The following NEMF variants were observed in gnomAD, a reference collection of about 807,000 sequenced individuals.
NEMF encodes the protein nuclear export mediator factor.
In NEMF, 89 loss-of-function variants were observed where a neutral mutation model predicts 162.2. The observed-to-expected ratio is 0.55, with a 90% CI of 0.46 to 0.65. NEMF has a LOEUF of 0.65. NEMF is among the 30% of genes least tolerant of loss of function. The probability of loss-of-function intolerance (pLI) is 0.00; values close to 1 mark genes in which losing one functional copy is unlikely to be tolerated. For synonymous variants in NEMF, 421 were observed against 404.5 expected, an observed-to-expected ratio of 1.04 and a Z score of -0.49; for missense variants, 1,133 against 1,261.9, an observed-to-expected ratio of 0.90 and a Z score of 1.55.
At chr14:49,841,434 C>T (rs898772631) in intron 4 of NEMF, among the ~76,000 whole-genome samples, 9 of 150,126 alleles carry the variant, frequency 6.0e-5, no homozygotes, top group South Asian at 2.1e-4. Context: ...ATTAGTTGGG[C>T]GTGGTGGTGC....
chr14:49,831,903 C>T, intron 10 of NEMF, 148 bp downstream of exon 10: 1 of 588,672 alleles, frequency 1.7e-6, no homozygotes, highest in Non-Finnish European at 3.0e-6. Context: ...TTTCCAACAG[C>T]TGTATCTGTG....
intron 16 of NEMF, among the ~76,000 whole-genome samples, chr14:49,815,217 TAAGA>T (rs1224550330): frequency 6.6e-6 from 1 of 152,164 alleles, no homozygotes; most frequent in Non-Finnish European, 1.5e-5. Context: ...AGACCACTAA[TAAGA>T]AAGAAATGTT....
At chr14:49,794,872 C>T (rs1407920233) in intron 26 of NEMF, among the ~76,000 whole-genome samples, 1 of 151,928 alleles carries the variant, frequency 6.6e-6, no homozygotes, top group Non-Finnish European at 1.5e-5. Flanking sequence ...GCATGTACCA[C>T]CATGCCTGGC....
In NEMF at chr14:49,806,306, G is replaced by C. The variant is rs1282300900; in HGVS notation, c.1745-173C>G. ...AGATGGAGTTTCGCTCTGTTGTTCTGGCTGGAGTGCAATGGCGCAATCTCA... is the reference window on the plus strand; with the variant it reads ...AGATGGAGTTTCGCTCTGTTGTTCTCGCTGGAGTGCAATGGCGCAATCTCA... On this transcript the variant is annotated intron_variant, in intron 18 of 32. Coordinates refer to ENST00000298310, the MANE Select transcript of NEMF (RefSeq NM_004713.6). 3.7e-5 allele frequency among the ~76,000 whole-genome samples: 4 copies of C among 107,316 alleles called. 1 individual carries two copies. Among genetic ancestry groups the C allele is most frequent in the Non-Finnish European group, 7.1e-5 (4 of 55,954 alleles). The allele number at this position is 107,316 out of a possible 152,430, so 70.4% of individuals were successfully genotyped here.
intron 5 of NEMF, chr14:49,839,288 G>A (rs1893076020): frequency 6.6e-6 from 1 of 151,622 alleles, no homozygotes; most frequent in African/African-American, 2.4e-5. Context: ...CACCATGTTG[G>A]TCAGGCTGGT....
rs528294032 is a variant in NEMF, at chr14:49,833,325, T to G, written c.735+98A>C. 7.7e-5 allele frequency: 51 copies of G among 662,590 alleles called. No individual in the cohort carries two copies. The African/African-American group carries it at 8.0e-4, about 10-fold the overall frequency. 41.0% of individuals were successfully genotyped at this position (662,590 alleles called of 1,614,324 possible). A position where few individuals can be genotyped will look rare whatever the true frequency, so the allele number is the denominator to read the frequency against. ...TATTACAGATAACAATTTTCCAAAT[T>G]AAAATAAAATGTATATATAATGATC... On this transcript the variant is annotated intron_variant, in intron 8 of 32. Transcript: ENST00000298310.
chr14:49,826,028 G>T, intron 15 of NEMF, 73 bp from the exon 16 acceptor site: 1 of 1,003,642 alleles, frequency 1.0e-6, no homozygotes, highest in Non-Finnish European at 1.5e-6. Flanking sequence ...AAATAATGGG[G>T]CAAGAATTTT....
intron 26 of NEMF, among the ~76,000 whole-genome samples, chr14:49,794,629 A>AG (rs1428554243): frequency 6.6e-6 from 1 of 151,838 alleles, no homozygotes; most frequent in East Asian, 1.9e-4. Flanking sequence ...TAAAAAAAAA[A>AG]AAAAAAAAAA....
chr14:49,800,683 C>A lies in NEMF; in HGVS notation c.2109G>T (p.Thr703=), dbSNP rs138162173. Residue 703 remains threonine (T), a synonymous_variant, in exon 23 of 33, where the codon ACG becomes ACT. Coordinates refer to ENST00000298310, the MANE Select transcript of NEMF (RefSeq NM_004713.6). ...GTTCTTCTTTATCCTCATCACTGCT[C>A]GTGTCACCTCCATCTGTAGAATTAT... ...EEMEQLDGGD[T]SSDEDKEEHE... 8.7e-5 allele frequency: 140 copies of A among 1,613,016 alleles called. No homozygotes were observed. Among genetic ancestry groups the A allele is most frequent in the Non-Finnish European group, 1.1e-4 (130 of 1,179,662 alleles).
chr14:49,798,485 C>G (rs1304840854), intron 25 of NEMF, among the ~76,000 whole-genome samples: 1 of 152,112 alleles, frequency 6.6e-6, no homozygotes, highest in Non-Finnish European at 1.5e-5. Flanking sequence ...TATTTAGAAG[C>G]TTGGTGATGG....
intron 11 of NEMF, among the ~76,000 whole-genome samples, chr14:49,830,987 A>G (rs1892605124): frequency 6.6e-6 from 1 of 152,258 alleles, no homozygotes; most frequent in Non-Finnish European, 1.5e-5. Flanking sequence ...CTTAACAGCA[A>G]TGTTTGAGAA....
intron 18 of NEMF, among the ~76,000 whole-genome samples, chr14:49,813,521 T>C (rs1443135622): frequency 6.6e-6 from 1 of 152,244 alleles, no homozygotes. Context: ...ACTATTATTG[T>C]AGAACTATCT....
chr14:49,818,666 A>C (rs1263931796), intron 16 of NEMF, among the ~76,000 whole-genome samples: 1 of 152,190 alleles, frequency 6.6e-6, no homozygotes, highest in Non-Finnish European at 1.5e-5. Context: ...AGATCTCTGG[A>C]CAAGGGTAAA....
In NEMF at chr14:49,795,927, T is replaced by G; in HGVS notation, c.2483A>C (p.Lys828Thr). The G allele has an allele frequency of 6.3e-7, 1 of 1,593,064 alleles. No homozygotes were observed. The highest frequency in any genetic ancestry group is 8.5e-7 in the Non-Finnish European group (1 of 1,174,518). ...TAAATCTCCTGAGTCACTTGGAAGT[T>G]TTTTCTTTTTCATTTCCCTGAATAA... Reference protein sequence around the residue: ...AKERREMKKKKLPSDSGDLEA... With the variant: ...AKERREMKKKTLPSDSGDLEA... The change falls in exon 26 of 33, where the codon AAA (lysine) becomes ACA (threonine). Residue 828 changes from lysine to threonine, a missense_variant. By Grantham distance (78) the Lys-to-Thr change is moderately conservative. This residue lies in a region of NEMF where 532 missense variants were observed against 578.6 expected (regional missense o/e 0.92). Coordinates refer to ENST00000298310, the MANE Select transcript of NEMF (RefSeq NM_004713.6).
chr14:49,838,806 A>C (rs184132080), intron 5 of NEMF, among the ~76,000 whole-genome samples: 3 of 152,148 alleles, frequency 2.0e-5, no homozygotes, highest in East Asian at 1.9e-4. Context: ...GGATGGTCTC[A>C]ATCTCCTGAC....
At chr14:49,812,286 G>C (rs1891515349) in intron 18 of NEMF, among the ~76,000 whole-genome samples, 1 of 151,986 alleles carries the variant, frequency 6.6e-6, no homozygotes, top group African/African-American at 2.4e-5. Flanking sequence ...CCTGATTTTA[G>C]GGATTTGAGT....
chr14:49,847,644 C>T (rs1224767927), intron 3 of NEMF, among the ~76,000 whole-genome samples: 1 of 151,760 alleles, frequency 6.6e-6, no homozygotes, highest in Non-Finnish European at 1.5e-5. Flanking sequence ...GGACCATGAG[C>T]TTATGGCTTA....
chr14:49,786,621 C>A (rs1890191637), intron 29 of NEMF, 97 bp downstream of exon 29: 3 of 1,218,182 alleles, frequency 2.5e-6, no homozygotes, highest in African/African-American at 3.0e-5. Context: ...GCAGTCTTGT[C>A]TTAGGTTTCT....
At chr14:49,811,705 T>C (rs1206052195) in intron 18 of NEMF, among the ~76,000 whole-genome samples, 6 of 152,208 alleles carry the variant, frequency 3.9e-5, no homozygotes, top group Non-Finnish European at 8.8e-5. Flanking sequence ...AGATAATCCA[T>C]GTGTGTTTTT....
Sources: gnomAD v4.1 joint callset for allele counts (sites outside exome capture counted in the v4.1 genomes callset) on GRCh38, gnomAD v4.1.1 for gene constraint, gnomAD v4.1.1 regional missense constraint, MANE v1.5 for transcripts, NCBI Gene and HGNC (gene_info 2026-07-23, HGNC 2026-07-21) for gene names.